Variants in ADGRV1 observed in about 807,000 individuals in gnomAD.
The protein encoded by ADGRV1 is adhesion G protein-coupled receptor V1, also known as G-protein coupled receptor 98.
ADGRV1 carries 359 observed loss-of-function variants against 596.2 expected under a neutral mutation model. The observed-to-expected ratio is 0.60, with a 90% confidence interval of 0.55 to 0.66. ADGRV1 has a LOEUF of 0.66. Ranked by LOEUF, ADGRV1 falls within the 30% of genes least tolerant of loss-of-function variation. The pLI, the probability that ADGRV1 is intolerant of heterozygous loss-of-function variation, is 0.00. For missense variants in ADGRV1, 7,274 were observed against 7,575.6 expected (o/e 0.96, Z 1.48); for synonymous variants, 2,681 against 2,679.2 (o/e 1.00, Z -0.02).
At chr5:90,898,555 C>T (rs1353323408) in intron 83 of ADGRV1, among the ~76,000 whole-genome samples, 1 of 152,106 alleles carries the variant, frequency 6.6e-6, no homozygotes, top group Non-Finnish European at 1.5e-5. Flanking sequence ...GGGATTACAC[C>T]ACAATGTTTT....
rs9293559 is a variant in ADGRV1, at chr5:91,088,553, G to T, written c.18311-13666G>T. ...TAGGAAGCATAGTGACCAAAAAACT[G>T]TATGGCTGCTCATTCATTAGTCTTA... On this transcript the variant is annotated intron_variant, in intron 86 of 89. Coordinates refer to ENST00000405460, the MANE Select transcript of ADGRV1 (RefSeq NM_032119.4). 1.0e-3 allele frequency among the ~76,000 whole-genome samples: 152 copies of T among 152,204 alleles called. 1 individual carries two copies. Among genetic ancestry groups the T allele is most frequent in the African/African-American group, 3.5e-3 (145 of 41,538 alleles).
chr5:90,753,889 C>T, intron 54 of ADGRV1, 60 bp downstream of exon 54: 1 of 1,424,864 alleles, frequency 7.0e-7, no homozygotes, highest in South Asian at 1.5e-5. Context: ...TAATTTAATT[C>T]TAATATTTAT....
intron 83 of ADGRV1, among the ~76,000 whole-genome samples, chr5:90,927,586 A>C (rs1037164275): frequency 6.6e-6 from 1 of 152,126 alleles, no homozygotes; most frequent in Non-Finnish European, 1.5e-5. Flanking sequence ...GACTCTATCC[A>C]ATTTGCCAGT....
In ADGRV1 at chr5:90,710,941, A is replaced by G. The variant is rs41308848; in HGVS notation, c.8825-40A>G. The G allele has an allele frequency of 5.2e-3, 6,097 of 1,170,616 alleles. 21 individuals carry two copies. Among genetic ancestry groups the G allele is most frequent in the Non-Finnish European group, 6.7e-3 (5,390 of 804,706 alleles). 72.5% of individuals were successfully genotyped at this position (1,170,616 alleles called of 1,614,324 possible). A position where few individuals can be genotyped will look rare whatever the true frequency, so the allele number is the denominator to read the frequency against. On this transcript the variant is annotated intron_variant, in intron 39 of 89. Transcript: ENST00000405460. ...TCCTATATCAAAAATATTTTTAATC[A>G]TTTATATGTATTTTAAGATATGCTT...
At chr5:91,080,588 C>CAAAAAAAAAA (rs10696264) in intron 86 of ADGRV1, among the ~76,000 whole-genome samples, 1 of 84,488 alleles carries the variant, frequency 1.2e-5, no homozygotes, top group African/African-American at 4.9e-5. Flanking sequence ...GCACACCCTG[C>CAAAAAAAAAA]AAAAAAAAAA....
Position 91,041,073 on chromosome 5 carries a change from G to A in ADGRV1, c.18153-31374G>A, listed in dbSNP as rs1467899557. Among the ~76,000 whole-genome samples, 5 of 152,200 alleles carry A rather than the reference G, an allele frequency of 3.3e-5. No individual in the cohort carries two copies. In the East Asian group the frequency reaches 9.6e-4, roughly 29 times the overall value. On this transcript the variant is annotated intron_variant, in intron 85 of 89. Coordinates refer to ENST00000405460, the MANE Select transcript of ADGRV1 (RefSeq NM_032119.4). ...ATTAGTTCAACCATTGTGGAAGACA[G>A]TGTGGCAATTCCTCAAGGATCTAGA...
At chr5:90,694,841 G>T in intron 33 of ADGRV1, 140 bp downstream of exon 33, 1 of 731,286 alleles carries the variant, frequency 1.4e-6, no homozygotes, top group South Asian at 2.4e-5. Context: ...GAAAAAAATA[G>T]AAGTTAATTG....
chr5:90,733,872 A>C (rs942664922), intron 50 of ADGRV1, among the ~76,000 whole-genome samples: 39 of 150,824 alleles, frequency 2.6e-4, no homozygotes, highest in African/African-American at 9.3e-4. Context: ...CAGATCTCAA[A>C]AATTCCTCCT....
chr5:90,829,309 A>G (rs1351609615), intron 77 of ADGRV1, 123 bp downstream of exon 77: 9 of 840,616 alleles, frequency 1.1e-5, no homozygotes, highest in African/African-American at 1.0e-4. Context: ...TTCACTTTTT[A>G]TTCATTACAT....
At chr5:90,917,783 T>A (rs997968080) in intron 83 of ADGRV1, among the ~76,000 whole-genome samples, 8 of 152,196 alleles carry the variant, frequency 5.3e-5, no homozygotes, top group Non-Finnish European at 1.0e-4. Context: ...ATCCAGATGC[T>A]TAGAGAATCT....
At chr5:90,992,036 C>A (rs1781010123) in intron 85 of ADGRV1, among the ~76,000 whole-genome samples, 1 of 152,236 alleles carries the variant, frequency 6.6e-6, no homozygotes, top group Admixed American at 6.5e-5. Context: ...CATACAGAAA[C>A]ACAAGTACAT....
At chr5:90,944,667 GTATAA>G (rs1474818062) in intron 83 of ADGRV1, among the ~76,000 whole-genome samples, 2 of 152,108 alleles carry the variant, frequency 1.3e-5, no homozygotes, top group African/African-American at 4.8e-5. Context: ...TCCCATAGGA[GTATAA>G]TATAACTCAT....
intron 85 of ADGRV1, among the ~76,000 whole-genome samples, chr5:91,066,647 A>G (rs1252050264): frequency 6.6e-6 from 1 of 152,192 alleles, no homozygotes; most frequent in Non-Finnish European, 1.5e-5. Context: ...ATGGACCATC[A>G]GGGAGTGGCA....
intron 83 of ADGRV1, among the ~76,000 whole-genome samples, chr5:90,928,648 C>T (rs1319706261): frequency 2.0e-5 from 3 of 150,658 alleles, no homozygotes; most frequent in African/African-American, 4.9e-5. Context: ...AGTCATTCTC[C>T]ATCCAGCTTT....
intron 83 of ADGRV1, chr5:90,931,329 CA>C (rs371506479): frequency 3.7e-4 from 57 of 152,184 alleles, no homozygotes; most frequent in African/African-American, 1.4e-3. Context: ...AGATTTAGGG[CA>C]AAGGGGTGAT....
intron 48 of ADGRV1, among the ~76,000 whole-genome samples, chr5:90,727,543 A>G (rs1342368964): frequency 8.5e-5 from 13 of 152,210 alleles, no homozygotes; most frequent in Admixed American, 8.5e-4. Context: ...GACTAATGTT[A>G]TTTCTGATTT....
intron 34 of ADGRV1, among the ~76,000 whole-genome samples, chr5:90,701,000 A>G (rs996111545): frequency 2.6e-5 from 4 of 152,244 alleles, no homozygotes; most frequent in African/African-American, 7.2e-5. Flanking sequence ...ATTAAAATGC[A>G]TTCTTCATTC....
intron 83 of ADGRV1, among the ~76,000 whole-genome samples, chr5:90,903,588 G>A (rs1228267873): frequency 6.6e-6 from 1 of 151,864 alleles, no homozygotes; most frequent in African/African-American, 2.4e-5. Flanking sequence ...CAACAGGCAA[G>A]CAGATCAGGG....
chr5:91,054,285 G>A (rs544335695), intron 85 of ADGRV1, among the ~76,000 whole-genome samples: 61 of 151,618 alleles, frequency 4.0e-4, no homozygotes, highest in Admixed American at 1.2e-3. Flanking sequence ...TTTTTATGTT[G>A]AGCAACTTTA....
Sources: allele counts gnomAD v4.1 joint callset (sites outside exome capture counted in the v4.1 genomes callset), GRCh38; gene constraint gnomAD v4.1.1; transcripts MANE v1.5; gene names NCBI Gene and HGNC (gene_info 2026-07-23, HGNC 2026-07-21).